Variants in CNTLN observed in about 807,000 individuals in gnomAD.
CNTLN encodes the protein centlein, centrosomal protein.
A neutral mutation model predicts 180.0 loss-of-function variants in CNTLN; 212 were observed. The observed-to-expected ratio is 1.18, with a 90% CI of 1.05 to 1.32. The LOEUF (loss-of-function observed/expected upper bound fraction) is 1.32, where lower values mean the gene tolerates loss of function less well. Ranked by LOEUF, CNTLN falls within the 40% of genes most tolerant of loss-of-function variation. The pLI, the probability that CNTLN is intolerant of heterozygous loss-of-function variation, is 0.00. For missense variants in CNTLN, 2,095 were observed against 1,610.9 expected, an observed-to-expected ratio of 1.30 and a Z score of -5.14; for synonymous variants, 722 against 563.1, an observed-to-expected ratio of 1.28 and a Z score of -3.99.
At chr9:17,319,066 A>C (rs1819732460) in intron 8 of CNTLN, among the ~76,000 whole-genome samples, 1 of 152,254 alleles carries the variant, frequency 6.6e-6, no homozygotes, top group Non-Finnish European at 1.5e-5. Flanking sequence ...TGTGGAAAGA[A>C]GCTTTTCAAG....
chr9:17,305,282 C>T (rs893106474), intron 7 of CNTLN, among the ~76,000 whole-genome samples: 10 of 152,076 alleles, frequency 6.6e-5, no homozygotes, highest in African/African-American at 2.2e-4. Context: ...ATGATTGATA[C>T]TTCTAAAGCA....
rs1831721247 is a variant in CNTLN, at chr9:17,465,962, C to G, written c.3532-19C>G. ...GAATGCCTTCAACAATAATAATTAC[C>G]TTTATGCTTTTAATGTAGGTAAAGA... On this transcript the variant is annotated intron_variant, in intron 21 of 25. Transcript: ENST00000380647. The G allele has an allele frequency of 6.3e-7, 1 of 1,583,850 alleles. No homozygotes were observed. The highest frequency in any genetic ancestry group is 1.8e-5 in the Admixed American group (1 of 56,706).
At chr9:17,290,369 C>G (rs1184145295) in intron 6 of CNTLN, among the ~76,000 whole-genome samples, 7 of 149,722 alleles carry the variant, frequency 4.7e-5, no homozygotes, top group South Asian at 2.2e-4. Context: ...TGCCCGTTCT[C>G]AGATCTCCAG....
chr9:17,500,051 A>G (rs1833660192), intron 25 of CNTLN, among the ~76,000 whole-genome samples: 1 of 152,184 alleles, frequency 6.6e-6, no homozygotes, highest in Non-Finnish European at 1.5e-5. Context: ...ATTATAGACA[A>G]ATAGGTTCCT....
intron 1 of CNTLN, among the ~76,000 whole-genome samples, chr9:17,136,699 C>A (rs1487148253): frequency 1.3e-5 from 2 of 152,162 alleles, no homozygotes; most frequent in Non-Finnish European, 2.9e-5. Flanking sequence ...ATGGGACCAT[C>A]TTCAAATTGA....
chr9:17,307,535 G>T (rs2132890731), intron 7 of CNTLN, among the ~76,000 whole-genome samples: 1 of 152,238 alleles, frequency 6.6e-6, no homozygotes, highest in Non-Finnish European at 1.5e-5. Context: ...CTCCCAAAGT[G>T]CTGGGATTAC....
intron 23 of CNTLN, among the ~76,000 whole-genome samples, chr9:17,481,531 G>A (rs1832646600): frequency 6.6e-6 from 1 of 152,128 alleles, no homozygotes; most frequent in Non-Finnish European, 1.5e-5. Flanking sequence ...CCAAGCCAAT[G>A]ACCCCACCCA....
intron 14 of CNTLN, among the ~76,000 whole-genome samples, chr9:17,392,294 A>G (rs571931951): frequency 6.6e-6 from 1 of 152,316 alleles, no homozygotes; most frequent in East Asian, 1.9e-4. Context: ...ACTTGCATCA[A>G]ATATGTATTT....
chr9:17,152,456 G>A (rs1311547073), intron 2 of CNTLN, among the ~76,000 whole-genome samples: 2 of 152,294 alleles, frequency 1.3e-5, no homozygotes, highest in African/African-American at 4.8e-5. Context: ...CGGTTTCCAT[G>A]TATTTGTGCA....
At chr9:17,426,475 A>G (rs556323908) in intron 18 of CNTLN, among the ~76,000 whole-genome samples, 4 of 152,158 alleles carry the variant, frequency 2.6e-5, no homozygotes, top group South Asian at 2.1e-4. Context: ...TACATCTTAC[A>G]TATTGTTATC....
At chr9:17,157,198 C>T (rs1328419432) in intron 2 of CNTLN, among the ~76,000 whole-genome samples, 1 of 152,174 alleles carries the variant, frequency 6.6e-6, no homozygotes, top group Non-Finnish European at 1.5e-5. Context: ...GCCTGAATCC[C>T]CATTCTTCAG....
intron 23 of CNTLN, among the ~76,000 whole-genome samples, chr9:17,473,597 AAAAAAAAAAC>A (rs1441606249): frequency 1.3e-5 from 2 of 148,752 alleles, no homozygotes; most frequent in African/African-American, 5.2e-5. Context: ...TTTACCAAAA[AAAAAAAAAAC>A]AAAACAAAAA....
chr9:17,462,227 A>T (rs1001017036), intron 19 of CNTLN, among the ~76,000 whole-genome samples: 7 of 151,696 alleles, frequency 4.6e-5, no homozygotes, highest in Non-Finnish European at 7.4e-5. Flanking sequence ...TTCAAACCAA[A>T]GATTTCCCTA....
At chr9:17,489,455 C>A (rs901349683) in intron 25 of CNTLN, among the ~76,000 whole-genome samples, 5 of 151,772 alleles carry the variant, frequency 3.3e-5, no homozygotes, top group African/African-American at 1.2e-4. Context: ...CTTTTATGTC[C>A]TCTCTGTGTG....
intron 8 of CNTLN, among the ~76,000 whole-genome samples, chr9:17,330,282 T>C (rs1448466798): frequency 6.6e-6 from 1 of 152,056 alleles, no homozygotes; most frequent in East Asian, 1.9e-4. Flanking sequence ...AGATGGTGGA[T>C]TGACTGTTTT....
intron 5 of CNTLN, 36 bp downstream of exon 5, chr9:17,236,624 G>A (rs781422762): frequency 3.3e-6 from 5 of 1,518,104 alleles, no homozygotes; most frequent in Non-Finnish European, 4.4e-6. Context: ...CTCCTCTTTT[G>A]GATCTAACTT....
At chr9:17,510,349 C>T in the CNTLN span, among the ~76,000 whole-genome samples, 2 of 152,172 alleles carry the variant, frequency 1.3e-5, no homozygotes, top group Non-Finnish European at 2.9e-5. Flanking sequence ...AGTATTTCCT[C>T]CATATTTTGA....
intron 15 of CNTLN, among the ~76,000 whole-genome samples, chr9:17,399,348 T>C (rs1393628442): frequency 2.6e-5 from 4 of 152,174 alleles, no homozygotes; most frequent in Non-Finnish European, 5.9e-5. Flanking sequence ...CTACTTCTAT[T>C]TTCTCTTATC....
rs79198893 is a variant in CNTLN, at chr9:17,321,990, C to G, written c.1342-8642C>G. Among the ~76,000 whole-genome samples, 47 of 152,146 alleles carry G rather than the reference C, an allele frequency of 3.1e-4. 1 individual carries two copies. The East Asian group carries it at 7.9e-3, about 26-fold the overall frequency. On this transcript the variant is annotated intron_variant, in intron 8 of 25. Transcript: ENST00000380647. ...TTATGCTTATCATCGTATTTTTATA[C>G]TTAATTAGTTTCGAGTTTATATGTG...
Sources: allele counts gnomAD v4.1 joint callset (sites outside exome capture counted in the v4.1 genomes callset), GRCh38; gene constraint gnomAD v4.1.1; transcripts MANE v1.5; gene names NCBI Gene and HGNC (gene_info 2026-07-23, HGNC 2026-07-21).